KDM5A: variants seen among roughly 807,000 people sequenced by gnomAD.
The protein encoded by KDM5A is lysine-specific demethylase 5A.
In KDM5A, 42 loss-of-function variants were observed where a neutral mutation model predicts 193.5. The observed-to-expected ratio is 0.22, with a 90% CI of 0.17 to 0.28. The LOEUF (loss-of-function observed/expected upper bound fraction) is 0.28. Among genes scored for constraint, KDM5A ranks in the 10% least tolerant of loss-of-function variants. KDM5A has a pLI of 1.00. For synonymous variants in KDM5A, 796 were observed against 718.1 expected, an observed-to-expected ratio of 1.11 and a Z score of -1.73; for missense variants, 1,692 against 2,055.1, an observed-to-expected ratio of 0.82 and a Z score of 3.42.
At chr12:377,963 T>C (rs1769775474) in intron 3 of KDM5A, among the ~76,000 whole-genome samples, 1 of 152,186 alleles carries the variant, frequency 6.6e-6, no homozygotes, top group Admixed American at 6.5e-5. Context: ...ACTGGAAAGT[T>C]TGAAAATATA....
At chr12:286,471 T>G (rs1232879717) in intron 27 of KDM5A, among the ~76,000 whole-genome samples, 2 of 152,200 alleles carry the variant, frequency 1.3e-5, no homozygotes, top group East Asian at 3.9e-4. Context: ...TGAAGGCTGA[T>G]TGTGGTAGTT....
chr12:310,347 T>C (rs996060487), intron 21 of KDM5A, among the ~76,000 whole-genome samples: 1 of 152,144 alleles, frequency 6.6e-6, no homozygotes, highest in Non-Finnish European at 1.5e-5. Context: ...CTTTCAATGA[T>C]AGGCTGGACG....
chr12:389,284 T>C lies in KDM5A; in HGVS notation c.-193A>G, dbSNP rs993169434. On this transcript the variant is annotated 5_prime_UTR_variant, in exon 1 of 28. Coordinates refer to ENST00000399788, the MANE Select transcript of KDM5A (RefSeq NM_001042603.3). ...ATTGTTTCTTGCAAGGCTTTTCCAC[T>C]GAGGTTCAGGACTTTTCCGGAAGTT... 5.6e-6 allele frequency: 4 copies of C among 715,170 alleles called. No individual in the cohort carries two copies. The highest frequency in any genetic ancestry group is 1.0e-5 in the Non-Finnish European group (4 of 397,598). 44.3% of individuals were successfully genotyped at this position (715,170 alleles called of 1,614,324 possible).
chr12:330,023 C>T (rs1178012854), intron 13 of KDM5A, among the ~76,000 whole-genome samples: 1 of 150,812 alleles, frequency 6.6e-6, no homozygotes, highest in East Asian at 2.0e-4. Flanking sequence ...TGTTTCCATA[C>T]TCTTCAAAGA....
rs1943584082 is a variant in KDM5A at position 311,332 on chromosome 12, AAGCACAGACATATATAAACACAGTTAGC to A, written c.3037-296_3037-269del. 3 of 441,940 alleles carry A rather than the reference AAGCACAGACATATATAAACACAGTTAGC, an allele frequency of 6.8e-6. No homozygotes were observed. The Admixed American group carries it at 1.0e-4, about 15-fold the overall frequency. 27.4% of individuals were successfully genotyped at this position (441,940 alleles called of 1,614,324 possible). On this transcript the variant is annotated intron_variant, in intron 20 of 27. Coordinates refer to ENST00000399788, the MANE Select transcript of KDM5A (RefSeq NM_001042603.3). The stretch of plus-strand genomic sequence containing the variant: ...AACAACCAGTTCAAAGGACAATCTA[AAGCACAGACATATATAAACACAGTTAGC>A]AGGCCAGGCGTGGTGGCTCACACCT...
At chr12:291,178 CT>C (rs1943288935) in intron 27 of KDM5A, among the ~76,000 whole-genome samples, 1 of 152,022 alleles carries the variant, frequency 6.6e-6, no homozygotes, top group South Asian at 2.1e-4. Context: ...AGTAAACAGT[CT>C]GACAATGATA....
At chr12:329,059 T>C (rs760508878) in intron 13 of KDM5A, 30 bp from the exon 14 acceptor site, 3 of 1,595,578 alleles carry the variant, frequency 1.9e-6, no homozygotes, top group Non-Finnish European at 1.7e-6. Context: ...ATTAAATAAC[T>C]CGCTTATAAC....
chr12:371,709 G>A (rs531302937), intron 3 of KDM5A, among the ~76,000 whole-genome samples: 25 of 152,218 alleles, frequency 1.6e-4, no homozygotes, highest in African/African-American at 5.8e-4. Flanking sequence ...GTACTGCCTA[G>A]GTTTTCTAGG....
At chr12:301,606 TGAAAACCA>T (rs1295061925) in intron 24 of KDM5A, among the ~76,000 whole-genome samples, 1 of 152,208 alleles carries the variant, frequency 6.6e-6, no homozygotes, top group African/African-American at 2.4e-5. Flanking sequence ...GCATTCCCTT[TGAAAACCA>T]GCACAAGACA....
At chr12:304,490 G>C (rs570775874) in intron 24 of KDM5A, among the ~76,000 whole-genome samples, 1 of 120,372 alleles carries the variant, frequency 8.3e-6, no homozygotes, top group East Asian at 2.6e-4. Flanking sequence ...CAACATCAAA[G>C]TAAATTGGCA....
chr12:294,723 T>C (rs1259429358), intron 26 of KDM5A, among the ~76,000 whole-genome samples: 1 of 152,072 alleles, frequency 6.6e-6, no homozygotes, highest in South Asian at 2.1e-4. Flanking sequence ...CTCATGAAAA[T>C]GAATGAAAAG....
rs1205644016 is a variant in KDM5A at position 309,827 on chromosome 12, C to T, written c.3354G>A (p.Glu1118=). The T allele has an allele frequency of 1.5e-5, 24 of 1,614,090 alleles. No homozygotes were observed. The highest frequency in any genetic ancestry group is 2.0e-5 in the Non-Finnish European group (24 of 1,179,990). Residue 1118 remains glutamate, a synonymous_variant, in exon 22 of 28, where the codon GAG becomes GAA. Transcript: ENST00000399788. ...CCACCATGGCTGTATCTCTGGTTTC[C>T]TCCAATCCTTCCTCCAGATCACTCA... ...EPLSDLEEGL[E]ETRDTAMVVA... is the part of the protein sequence containing the mutation.
chr12:330,085 G>GTGTGTGTGTGTGTGTATATATA (rs377271333), intron 13 of KDM5A, among the ~76,000 whole-genome samples: 163 of 139,370 alleles, frequency 1.2e-3, no homozygotes, highest in African/African-American at 2.0e-3. Flanking sequence ...GTGTGTGTGT[G>GTGTGTGTGTGTGTGTATATATA]TATATATATA....
intron 6 of KDM5A, among the ~76,000 whole-genome samples, chr12:356,204 G>A (rs965970205): frequency 3.3e-5 from 5 of 152,094 alleles, no homozygotes; most frequent in African/African-American, 9.7e-5. Flanking sequence ...ATTACACAGA[G>A]AAGGAAAATC....
At chr12:300,593 C>T (rs915602772) in intron 24 of KDM5A, among the ~76,000 whole-genome samples, 9 of 152,020 alleles carry the variant, frequency 5.9e-5, no homozygotes, top group Admixed American at 6.6e-5. Context: ...GATCTAAAAT[C>T]GACATCCTAA....
Position 334,351 on chromosome 12 carries a change from A to G in KDM5A, c.1380T>C (p.Asn460=), listed in dbSNP as rs749721886. The G allele has an allele frequency of 6.2e-7, 1 of 1,614,082 alleles. No individual in the cohort carries two copies. Among genetic ancestry groups the G allele is most frequent in the Non-Finnish European group, 8.5e-7 (1 of 1,179,920 alleles). ...GCACTTTCATACCAGAGATGTCCAC[A>G]TTAATATGTGCAAGAACAGACTGTT... ...VLEQSVLAHI[N]VDISGMKVPW... Residue 460 remains asparagine, a synonymous_variant, in exon 11 of 28, where the codon AAT becomes AAC. Coordinates refer to ENST00000399788, the MANE Select transcript of KDM5A (RefSeq NM_001042603.3).
At chr12:301,632 CCT>C (rs1943442187) in intron 24 of KDM5A, among the ~76,000 whole-genome samples, 1 of 152,142 alleles carries the variant, frequency 6.6e-6, no homozygotes, top group African/African-American at 2.4e-5. Flanking sequence ...ACAAGGATGC[CCT>C]CTCTCACCAC....
rs751986707 is a variant in KDM5A, at chr12:385,987, A to AT, written c.166-14dup. The AT allele has an allele frequency of 1.7e-5, 28 of 1,607,346 alleles. No individual in the cohort carries two copies. The highest frequency in any genetic ancestry group is 4.5e-5 in the East Asian group (2 of 44,818). On this transcript the variant is annotated splice_polypyrimidine_tract_variant and intron_variant, in intron 1 of 27. Transcript: ENST00000399788. ...GAGGCTGCCAGTCCTAAATAGAAAG[A>AT]TTTTTTTAAAAAAACACAGTGGTAT...
At chr12:301,493 A>G (rs865819875) in intron 24 of KDM5A, among the ~76,000 whole-genome samples, 1 of 152,352 alleles carries the variant, frequency 6.6e-6, no homozygotes, top group African/African-American at 2.4e-5. Context: ...CTGTCATGCT[A>G]AAAACTCTCA....
Sources: gnomAD v4.1 joint callset for allele counts (sites outside exome capture counted in the v4.1 genomes callset) on GRCh38, gnomAD v4.1.1 for gene constraint, MANE v1.5 for transcripts, NCBI Gene and HGNC (gene_info 2026-07-23, HGNC 2026-07-21) for gene names.